The following MRPL13 variants were observed in gnomAD, a reference collection of about 807,000 sequenced individuals.
The protein encoded by MRPL13 is large ribosomal subunit protein uL13m.
MRPL13 carries 33 observed loss-of-function variants against 29.0 expected under a neutral mutation model. That is an observed-to-expected ratio of 1.14 (90% CI 0.86 to 1.52). MRPL13 has a LOEUF of 1.52. Among genes scored for constraint, MRPL13 ranks in the 40% most tolerant of loss-of-function variants. MRPL13 has a pLI of 0.00. For synonymous variants in MRPL13, 77 were observed against 68.4 expected (o/e 1.13, Z -0.62); for missense variants, 227 against 216.7 (o/e 1.05, Z -0.30).
At chr8:120,431,197 A>G (rs1237819292) in intron 3 of MRPL13, among the ~76,000 whole-genome samples, 1 of 152,188 alleles carries the variant, frequency 6.6e-6, no homozygotes, top group African/African-American at 2.4e-5. Context: ...AAAGGCGAAG[A>G]TGCAGTTGGA....
rs542755470 is a variant in MRPL13, at chr8:120,429,428, A to G, written c.245+2602T>C. ...ACCTGGGTGATGAAATAACCTGTAC[A>G]ACAAACCCCCATGATACAAGTTTAC... On this transcript the variant is annotated intron_variant, in intron 3 of 6. Coordinates refer to ENST00000306185, the MANE Select transcript of MRPL13 (RefSeq NM_014078.6). Among the ~76,000 whole-genome samples, 354 of 152,184 alleles carry G rather than the reference A, an allele frequency of 2.3e-3. 1 individual carries two copies. Among genetic ancestry groups the G allele is most frequent in the African/African-American group, 7.6e-3 (314 of 41,520 alleles).
intron 2 of MRPL13, among the ~76,000 whole-genome samples, chr8:120,438,979 T>C (rs1813085515): frequency 6.6e-6 from 1 of 152,238 alleles, no homozygotes; most frequent in South Asian, 2.1e-4. Context: ...CTGATCACTA[T>C]TTACTTTCAA....
At position 120,395,914 on chromosome 8, in the gene MRPL13, T is replaced by C. The variant is rs1334216289; in HGVS notation, c.*190A>G. 4.0e-6 allele frequency: 2 copies of C among 497,934 alleles called. No homozygotes were observed. The highest frequency in any genetic ancestry group is 3.6e-6 in the Non-Finnish European group (1 of 278,898). The allele number at this position is 497,934 out of a possible 1,614,324, so 30.8% of individuals were successfully genotyped here. A position where few individuals can be genotyped will look rare whatever the true frequency, so the allele number is the denominator to read the frequency against. Reference sequence around the variant, plus strand: ...AAATCAGATTACATAAAAATGGTTCTATAAAATTATATTTTAATTACAATT... The same window carrying C: ...AAATCAGATTACATAAAAATGGTTCCATAAAATTATATTTTAATTACAATT... On this transcript the variant is annotated 3_prime_UTR_variant, in exon 7 of 7. Transcript: ENST00000306185.
intron 2 of MRPL13, among the ~76,000 whole-genome samples, chr8:120,438,043 G>A (rs1813075194): frequency 6.6e-6 from 1 of 152,158 alleles, no homozygotes; most frequent in African/African-American, 2.4e-5. Flanking sequence ...GACACGAGAA[G>A]TTTTGCTAAT....
intron 2 of MRPL13, among the ~76,000 whole-genome samples, chr8:120,441,895 A>G (rs1313532079): frequency 6.6e-6 from 1 of 152,198 alleles, no homozygotes; most frequent in Non-Finnish European, 1.5e-5. Flanking sequence ...AAATGGTTGA[A>G]TAAAAAATAT....
At chr8:120,426,837 A>G (rs1812936513) in intron 3 of MRPL13, among the ~76,000 whole-genome samples, 1 of 152,302 alleles carries the variant, frequency 6.6e-6, no homozygotes, top group East Asian at 1.9e-4. Flanking sequence ...ACACAGATAA[A>G]TATGACAAAA....
At chr8:120,413,930 T>C (rs934938299) in intron 6 of MRPL13, 61 bp downstream of exon 6, 13 of 1,422,068 alleles carry the variant, frequency 9.1e-6, no homozygotes, top group African/African-American at 3.0e-5. Flanking sequence ...TATTTAATCA[T>C]ATGGTTGAGG....
Position 120,396,039 on chromosome 8 carries a change from T to C in MRPL13, c.*65A>G. The C allele has an allele frequency of 7.3e-7, 1 of 1,368,798 alleles. No individual in the cohort carries two copies. Among genetic ancestry groups the C allele is most frequent in the Non-Finnish European group, 1.0e-6 (1 of 977,442 alleles). The allele number at this position is 1,368,798 out of a possible 1,614,324, so 84.8% of individuals were successfully genotyped here. On this transcript the variant is annotated 3_prime_UTR_variant, in exon 7 of 7. Coordinates refer to ENST00000306185, the MANE Select transcript of MRPL13 (RefSeq NM_014078.6). The stretch of plus-strand genomic sequence containing the variant: ...CAGTTGTTTTACTCCATCCTGTAGG[T>C]TAGAGAAACTCATCAGAAGAAAGTT...
intron 4 of MRPL13, among the ~76,000 whole-genome samples, chr8:120,421,871 T>C (rs1179165985): frequency 6.6e-6 from 1 of 151,834 alleles, no homozygotes; most frequent in East Asian, 1.9e-4. Flanking sequence ...AAAATATTTA[T>C]GAAGTATTAA....
rs199542133 is a variant in MRPL13 at position 120,414,023 on chromosome 8, T to C, written c.483A>G (p.Glu161=). Residue 161 remains glutamate (E), a synonymous_variant, in exon 6 of 7, where the codon GAA becomes GAG. Coordinates refer to ENST00000306185, the MANE Select transcript of MRPL13 (RefSeq NM_014078.6). ...ACAATCTTGGGAAGGCGTCTATTTC[T>C]TCTTGTGTGTACTCATCTAGACGTT... is the stretch of plus-strand genomic sequence containing the variant. ...IPKRLDEYTQ[E]EIDAFPRLWT... is the part of the protein sequence containing the mutation. The C allele has an allele frequency of 1.3e-6, 2 of 1,574,582 alleles. No individual in the cohort carries two copies. Among genetic ancestry groups the C allele is most frequent in the African/African-American group, 1.4e-5 (1 of 72,678 alleles).
intron 2 of MRPL13, among the ~76,000 whole-genome samples, chr8:120,433,813 G>T (rs1813022741): frequency 1.3e-5 from 2 of 152,044 alleles, no homozygotes; most frequent in Admixed American, 1.3e-4. Context: ...TAGCACAGTT[G>T]TTTCTGTCTA....
intron 1 of MRPL13, chr8:120,444,840 C>T (rs998940286): frequency 1.1e-5 from 5 of 473,670 alleles, no homozygotes; most frequent in African/African-American, 8.0e-5. Flanking sequence ...CCCGCCCCCC[C>T]AAGAAAGACA....
At chr8:120,427,448 A>G (rs1040106652) in intron 3 of MRPL13, among the ~76,000 whole-genome samples, 3 of 152,184 alleles carry the variant, frequency 2.0e-5, no homozygotes, top group African/African-American at 7.2e-5. Context: ...TATGAAAAAA[A>G]TCAATGGACA....
At chr8:120,427,120 A>C (rs778560328) in intron 3 of MRPL13, among the ~76,000 whole-genome samples, 26 of 152,192 alleles carry the variant, frequency 1.7e-4, no homozygotes, top group Non-Finnish European at 1.5e-4. Context: ...AAATGACATA[A>C]AAATTTTGTT....
intron 4 of MRPL13, 91 bp from the exon 5 acceptor site, chr8:120,420,029 G>T (rs916097588): frequency 8.8e-6 from 7 of 798,154 alleles, no homozygotes; most frequent in Non-Finnish European, 9.0e-6. Flanking sequence ...AAAATGAGGG[G>T]TTTAGATTCA....
chr8:120,406,652 T>C (rs973087311), intron 6 of MRPL13, among the ~76,000 whole-genome samples: 1 of 150,846 alleles, frequency 6.6e-6, no homozygotes, highest in Non-Finnish European at 1.5e-5. Flanking sequence ...ATAGTATACT[T>C]ATATATAAAA....
intron 6 of MRPL13, 74 bp downstream of exon 6, chr8:120,413,917 T>A (rs571558121): frequency 2.1e-6 from 3 of 1,399,982 alleles, no homozygotes; most frequent in East Asian, 2.7e-5. Context: ...CCCTCAAGGA[T>A]CTTATTTAAT....
At chr8:120,410,745 A>G (rs1812730190) in intron 6 of MRPL13, among the ~76,000 whole-genome samples, 1 of 151,212 alleles carries the variant, frequency 6.6e-6, no homozygotes, top group Non-Finnish European at 1.5e-5. Context: ...ATAGAGAGTT[A>G]CCTCCCTCCC....
At position 120,395,986 on chromosome 8, in the gene MRPL13, G is replaced by T; in HGVS notation, c.*118C>A. ...TCCTGACCTTTCCCCACAGTGATTCGGCACATAAAACAGGTGCTGAACTGT... is the reference window on the plus strand; with the variant it reads ...TCCTGACCTTTCCCCACAGTGATTCTGCACATAAAACAGGTGCTGAACTGT... On this transcript the variant is annotated 3_prime_UTR_variant, in exon 7 of 7. Transcript: ENST00000306185. 2 of 757,142 alleles carry T rather than the reference G, an allele frequency of 2.6e-6. No individual in the cohort carries two copies. Among genetic ancestry groups the T allele is most frequent in the Non-Finnish European group, 4.3e-6 (2 of 466,032 alleles). The allele number at this position is 757,142 out of a possible 1,614,324, so 46.9% of individuals were successfully genotyped here.
Sources: allele counts gnomAD v4.1 joint callset (sites outside exome capture counted in the v4.1 genomes callset), GRCh38; gene constraint gnomAD v4.1.1; transcripts MANE v1.5; gene names NCBI Gene and HGNC (gene_info 2026-07-23, HGNC 2026-07-21).